The following MSH4 variants were observed in gnomAD, a reference collection of about 807,000 sequenced individuals.
MSH4 encodes the protein mutS homolog 4.
MSH4 carries 106 observed loss-of-function variants against 113.7 expected under a neutral mutation model. The ratio of observed to expected loss-of-function variants is 0.93; its 90% CI spans 0.80 to 1.10. MSH4 has a LOEUF of 1.10. MSH4 is among the 50% of genes least tolerant of loss of function. The pLI is 0.00. For synonymous variants in MSH4, 368 were observed against 380.2 expected (o/e 0.97, Z 0.37); for missense variants, 1,061 against 1,093.7 (o/e 0.97, Z 0.42).
At chr1:75,886,837 TATTA>T (rs760444109) in intron 15 of MSH4, among the ~76,000 whole-genome samples, 3,718 of 17,886 alleles carry the variant, frequency 0.21, 49 homozygotes, top group Non-Finnish European at 0.38. Flanking sequence ...TATATATATA[TATTA>T]TATATATATA....
intron 18 of MSH4, 65 bp downstream of exon 18, chr1:75,898,146 A>T: frequency 9.0e-7 from 1 of 1,110,648 alleles, no homozygotes; most frequent in Admixed American, 2.9e-5. Context: ...ACAAACTTTC[A>T]TCTCTTCTTT....
rs2100495809 is a variant in MSH4 at position 75,797,038 on chromosome 1, C to T, written c.53C>T (p.Pro18Leu). ...STSPSAPAVS[P>L]SSGETRSPQG... ...TCGCCTTCTGCCCCGGCGGTTTCCC[C>T]GTCGTCGGGAGAAACCCGCTCACCT... Residue 18 changes from proline to leucine, a missense_variant, in exon 1 of 20, where the codon CCG becomes CTG. Pro to Leu is a moderately conservative substitution (Grantham distance 98). Transcript: ENST00000263187. The T allele has an allele frequency of 1.2e-6, 2 of 1,614,078 alleles. No individual in the cohort carries two copies. The highest frequency in any genetic ancestry group is 1.7e-5 in the Admixed American group (1 of 60,034).
chr1:75,798,416 C>T (rs1649865624), intron 1 of MSH4, among the ~76,000 whole-genome samples: 1 of 152,124 alleles, frequency 6.6e-6, no homozygotes, highest in African/African-American at 2.4e-5. Flanking sequence ...TTTCCTAGGC[C>T]ACTTCTACCT....
At chr1:75,891,347 C>A (rs912554276) in intron 17 of MSH4, among the ~76,000 whole-genome samples, 1 of 151,838 alleles carries the variant, frequency 6.6e-6, no homozygotes, top group Non-Finnish European at 1.5e-5. Context: ...CAGATATGAA[C>A]AAAACTGAAA....
At chr1:75,830,906 A>T (rs1332456449) in intron 7 of MSH4, among the ~76,000 whole-genome samples, 1 of 152,206 alleles carries the variant, frequency 6.6e-6, no homozygotes, top group Non-Finnish European at 1.5e-5. Flanking sequence ...ACCAGCTAAC[A>T]TCATAATGAC....
chr1:75,829,621 G>A (rs925692119), intron 7 of MSH4, among the ~76,000 whole-genome samples: 3 of 152,158 alleles, frequency 2.0e-5, no homozygotes, highest in Admixed American at 2.0e-4. Flanking sequence ...AACATCTGCC[G>A]TTCTGCAATA....
chr1:75,840,303 A>C (rs920950552), intron 7 of MSH4, among the ~76,000 whole-genome samples: 1 of 142,948 alleles, frequency 7.0e-6, no homozygotes, highest in African/African-American at 2.5e-5. Context: ...GATTAAGAAA[A>C]TGTGGCACAT....
chr1:75,811,562 A>G (rs1390845032), intron 4 of MSH4, among the ~76,000 whole-genome samples: 7 of 152,108 alleles, frequency 4.6e-5, no homozygotes, highest in Non-Finnish European at 7.4e-5. Context: ...TGTATTACAG[A>G]ATTGTTTCAG....
intron 7 of MSH4, among the ~76,000 whole-genome samples, chr1:75,842,146 C>G (rs1027618911): frequency 6.6e-6 from 1 of 152,120 alleles, no homozygotes; most frequent in African/African-American, 2.4e-5. Flanking sequence ...GGTGGGACTT[C>G]CAGACTGTAG....
chr1:75,836,431 T>G (rs1363978060), intron 7 of MSH4, among the ~76,000 whole-genome samples: 1 of 151,900 alleles, frequency 6.6e-6, no homozygotes, highest in East Asian at 1.9e-4. Flanking sequence ...CCCAAGTAGC[T>G]GATACTATAG....
rs140872777 is a variant in MSH4 at position 75,806,996 on chromosome 1, C to A, written c.443C>A (p.Ala148Glu). ...QVGYSASSSS[A>E]ISAHSPSVIV... ...AAATTTACAGCTTCATCCTCATCTG[C>A]GATTTCTGCACACTCCCCATCAGTT... Residue 148 changes from alanine (A) to glutamate (E), a missense_variant, in exon 3 of 20, where the codon GCG becomes GAG. Ala to Glu is a moderately radical substitution (Grantham distance 107, BLOSUM62 -1). Coordinates refer to ENST00000263187, the MANE Select transcript of MSH4 (RefSeq NM_002440.4). The A allele has an allele frequency of 1.3e-6, 2 of 1,571,716 alleles. No homozygotes were observed. The highest frequency in any genetic ancestry group is 1.4e-5 in the African/African-American group (1 of 72,016).
chr1:75,806,779 C>T (rs1399295588), intron 2 of MSH4, among the ~76,000 whole-genome samples: 2 of 151,888 alleles, frequency 1.3e-5, no homozygotes, highest in African/African-American at 4.8e-5. Flanking sequence ...TCAAGCTCCA[C>T]CAAAAAACAT....
At chr1:75,825,713 T>G (rs1650531790) in intron 7 of MSH4, among the ~76,000 whole-genome samples, 1 of 152,186 alleles carries the variant, frequency 6.6e-6, no homozygotes, top group Admixed American at 6.5e-5. Flanking sequence ...CTGCATGTAT[T>G]GAGATAATCA....
Position 75,836,028 on chromosome 1 carries a change from T to C in MSH4, c.1163-12181T>C, listed in dbSNP as rs147635843. 6.7e-4 allele frequency among the ~76,000 whole-genome samples: 102 copies of C among 152,324 alleles called. 1 individual carries two copies. Among genetic ancestry groups the C allele is most frequent in the Middle Eastern group, 3.4e-3 (1 of 294 alleles). ...ACCTTCAGGCTGTTAGAGCGCTTTG[T>C]TCTTAAACACAGAGTACCCAAAATG... On this transcript the variant is annotated intron_variant, in intron 7 of 19. Coordinates refer to ENST00000263187, the MANE Select transcript of MSH4 (RefSeq NM_002440.4).
chr1:75,802,283 A>G (rs1015685766), intron 1 of MSH4, among the ~76,000 whole-genome samples: 1 of 152,226 alleles, frequency 6.6e-6, no homozygotes, highest in Non-Finnish European at 1.5e-5. Context: ...TAATAGAAAC[A>G]AAGAGGAGAG....
chr1:75,898,997 G>A (rs1320985420), intron 18 of MSH4, among the ~76,000 whole-genome samples: 1 of 152,118 alleles, frequency 6.6e-6, no homozygotes, highest in Non-Finnish European at 1.5e-5. Context: ...ACACTGCTTA[G>A]CAATTACTAA....
intron 7 of MSH4, among the ~76,000 whole-genome samples, chr1:75,847,620 G>T (rs1470893852): frequency 7.2e-5 from 11 of 152,122 alleles, no homozygotes; most frequent in Admixed American, 7.2e-4. Flanking sequence ...CAAGAGTATG[G>T]CATTGGCATC....
chr1:75,900,529 A>G (rs1037264529), intron 19 of MSH4, among the ~76,000 whole-genome samples: 9 of 151,866 alleles, frequency 5.9e-5, no homozygotes, highest in Non-Finnish European at 1.2e-4. Context: ...TTGGTCTCGA[A>G]CTCCTGACCT....
intron 8 of MSH4, among the ~76,000 whole-genome samples, chr1:75,856,423 T>A (rs1651319694): frequency 6.6e-6 from 1 of 152,214 alleles, no homozygotes; most frequent in Non-Finnish European, 1.5e-5. Flanking sequence ...TTTTTCCTAA[T>A]GTTATCGCTC....
Sources: gnomAD v4.1 joint callset for allele counts (sites outside exome capture counted in the v4.1 genomes callset) on GRCh38, gnomAD v4.1.1 for gene constraint, MANE v1.5 for transcripts, NCBI Gene and HGNC (gene_info 2026-07-23, HGNC 2026-07-21) for gene names.